Variants in LPP observed in about 807,000 individuals in gnomAD.
LPP encodes the protein LIM domain containing preferred translocation partner in lipoma, also known as lipoma-preferred partner.
In LPP, 38 loss-of-function variants were observed where a neutral mutation model predicts 60.4. The observed-to-expected ratio is 0.63, with a 90% confidence interval of 0.49 to 0.83. LPP has a LOEUF of 0.83. LPP is among the 40% of genes least tolerant of loss of function. LPP has a pLI of 0.00. For synonymous variants in LPP, 328 were observed against 290.8 expected (o/e 1.13, Z -1.30); for missense variants, 902 against 783.6 (o/e 1.15, Z -1.80).
chr3:188,634,239 T>C (rs957978972), intron 7 of LPP, among the ~76,000 whole-genome samples: 1 of 152,230 alleles, frequency 6.6e-6, no homozygotes, highest in Non-Finnish European at 1.5e-5. Context: ...GGGGCGTTTA[T>C]ATAGTATCTG....
At chr3:188,380,547 T>C (rs766133335) in intron 3 of LPP, among the ~76,000 whole-genome samples, 39 of 152,232 alleles carry the variant, frequency 2.6e-4, no homozygotes, top group Non-Finnish European at 4.3e-4. Flanking sequence ...CCGAGGGTAG[T>C]TGGCCTGTGT....
At chr3:188,786,382 C>CAAAAAAAA (rs57565042) in intron 9 of LPP, among the ~76,000 whole-genome samples, 29 of 76,640 alleles carry the variant, frequency 3.8e-4, no homozygotes, top group Non-Finnish European at 5.3e-4. Context: ...GACTCCGTCT[C>CAAAAAAAA]AAAAAAAAAA....
At chr3:188,607,399 ATATATATATATATATAT>A (rs1302097825) in intron 6 of LPP, among the ~76,000 whole-genome samples, 4 of 65,682 alleles carry the variant, frequency 6.1e-5, no homozygotes, top group Non-Finnish European at 9.8e-5. Context: ...ATATATATAT[ATATATATATATATATAT>A]AATTTTTTTT....
intron 2 of LPP, among the ~76,000 whole-genome samples, chr3:188,227,139 G>A (rs898318345): frequency 6.6e-6 from 1 of 152,032 alleles, no homozygotes; most frequent in African/African-American, 2.4e-5. Context: ...CTTAACAAGA[G>A]CAGACTGGAA....
intron 3 of LPP, among the ~76,000 whole-genome samples, chr3:188,363,565 G>A (rs757223740): frequency 2.0e-5 from 3 of 152,058 alleles, no homozygotes; most frequent in Admixed American, 6.6e-5. Flanking sequence ...GGCTCTTTAC[G>A]TCTTTGGTCT....
intron 4 of LPP, among the ~76,000 whole-genome samples, chr3:188,425,459 C>T (rs1294286374): frequency 6.6e-6 from 1 of 152,122 alleles, no homozygotes; most frequent in Non-Finnish European, 1.5e-5. Flanking sequence ...ATGCTGGCCT[C>T]ATAAAATGAG....
chr3:188,621,703 C>T (rs1167778382), intron 7 of LPP, among the ~76,000 whole-genome samples: 1 of 152,052 alleles, frequency 6.6e-6, no homozygotes, highest in Non-Finnish European at 1.5e-5. Flanking sequence ...TTCTGTCGCC[C>T]AGGCTGGATT....
chr3:188,369,820 CT>C (rs1425083657), intron 3 of LPP, among the ~76,000 whole-genome samples: 1 of 152,116 alleles, frequency 6.6e-6, no homozygotes, highest in African/African-American at 2.4e-5. Context: ...GAATTTTACT[CT>C]TTGTAAAAGA....
At chr3:188,389,501 C>T (rs1056855217) in intron 3 of LPP, among the ~76,000 whole-genome samples, 6 of 152,092 alleles carry the variant, frequency 3.9e-5, no homozygotes, top group Admixed American at 6.5e-5. Context: ...TGAGACTGGG[C>T]GTGGTGGCTC....
At chr3:188,704,990 A>T (rs1577109591) in intron 7 of LPP, among the ~76,000 whole-genome samples, 2 of 152,230 alleles carry the variant, frequency 1.3e-5, no homozygotes, top group Non-Finnish European at 2.9e-5. Flanking sequence ...ACTACGTCTC[A>T]ACTTTGAAAC....
chr3:188,261,355 CACAG>C (rs1350223474), intron 2 of LPP, among the ~76,000 whole-genome samples: 1 of 147,010 alleles, frequency 6.8e-6, no homozygotes, highest in African/African-American at 2.4e-5. Flanking sequence ...TTTCTCTCTA[CACAG>C]ACACACACAC....
At chr3:188,617,468 A>C (rs138949402) in intron 7 of LPP, among the ~76,000 whole-genome samples, 8 of 152,262 alleles carry the variant, frequency 5.3e-5, no homozygotes, top group Non-Finnish European at 1.2e-4. Context: ...TTAGAACCCC[A>C]TCATCAGTTT....
chr3:188,479,484 A>C (rs1560457220), intron 4 of LPP, among the ~76,000 whole-genome samples: 1 of 152,218 alleles, frequency 6.6e-6, no homozygotes, highest in Non-Finnish European at 1.5e-5. Context: ...TACGAGTCAA[A>C]GACACCAGGT....
At chr3:188,393,175 T>C (rs1484472924) in intron 3 of LPP, among the ~76,000 whole-genome samples, 2 of 151,994 alleles carry the variant, frequency 1.3e-5, no homozygotes. Context: ...CACTCTTGAT[T>C]TATTTTTATT....
chr3:188,664,639 A>G (rs1855374542), intron 7 of LPP, among the ~76,000 whole-genome samples: 1 of 151,360 alleles, frequency 6.6e-6, no homozygotes, highest in East Asian at 1.9e-4. Context: ...GTGTGTGTGG[A>G]GAGAGAGAGA....
rs115340517 is a variant in LPP, at chr3:188,513,985, C to T, written c.307-10680C>T. Among the ~76,000 whole-genome samples, 1,373 of 152,094 alleles carry T rather than the reference C, an allele frequency of 9.0e-3. 24 individuals carry two copies. Among genetic ancestry groups the T allele is most frequent in the African/African-American group, 0.032 (1,316 of 41,468 alleles). On this transcript the variant is annotated intron_variant, in intron 5 of 11. Coordinates refer to ENST00000617246, the MANE Select transcript of LPP (RefSeq NM_001375462.1). ...AGAAAACGACCTGGAAGGTGCATAC[C>T]CTCATTTTTGTAGAGGTAAAAGTTG...
chr3:188,460,578 T>G (rs1009434667), intron 4 of LPP, among the ~76,000 whole-genome samples: 3 of 152,210 alleles, frequency 2.0e-5, no homozygotes, highest in African/African-American at 7.2e-5. Context: ...GAGTTCCAGC[T>G]TCTGTGTTAT....
At chr3:188,722,603 G>C (rs1716884845) in intron 8 of LPP, among the ~76,000 whole-genome samples, 1 of 152,058 alleles carries the variant, frequency 6.6e-6, no homozygotes, top group South Asian at 2.1e-4. Flanking sequence ...GTGTTATTTT[G>C]CCAGAAGAAC....
chr3:188,722,924 A>G (rs1265964380), intron 8 of LPP, among the ~76,000 whole-genome samples: 1 of 152,230 alleles, frequency 6.6e-6, no homozygotes, highest in Non-Finnish European at 1.5e-5. Context: ...CTAAATTGTT[A>G]ACGTCAGTGT....
Sources: gnomAD v4.1 joint callset for allele counts (sites outside exome capture counted in the v4.1 genomes callset) on GRCh38, gnomAD v4.1.1 for gene constraint, MANE v1.5 for transcripts, NCBI Gene and HGNC (gene_info 2026-07-23, HGNC 2026-07-21) for gene names.